The following MYT1L variants were observed in gnomAD, a reference collection of about 807,000 sequenced individuals.
The protein encoded by MYT1L is myelin transcription factor 1-like protein.
A neutral mutation model predicts 126.7 loss-of-function variants in MYT1L; 12 were observed. That is an observed-to-expected ratio of 0.09 (90% CI 0.06 to 0.15). The LOEUF (loss-of-function observed/expected upper bound fraction) is 0.15, where lower values mean the gene tolerates loss of function less well. Among genes scored for constraint, MYT1L ranks in the 10% least tolerant of loss-of-function variants. The pLI, the probability that MYT1L is intolerant of heterozygous loss-of-function variation, is 1.00. For missense variants in MYT1L, 979 were observed against 1,585.2 expected (o/e 0.62, Z 6.49); for synonymous variants, 541 against 604.2 (o/e 0.90, Z 1.53).
rs150614144 is a variant in MYT1L, at chr2:1,849,654, C to T, written c.2774+1987G>A. On this transcript the variant is annotated intron_variant, in intron 19 of 24. Coordinates refer to ENST00000647738, the MANE Select transcript of MYT1L (RefSeq NM_001303052.2). ...GGCCCCCACGGCAAACAGCCATCTG[C>T]CCCCACTTGCCAGCACTGCAGAGGC... 3.2e-3 allele frequency among the ~76,000 whole-genome samples: 492 copies of T among 152,356 alleles called. 1 individual carries two copies. The highest frequency in any genetic ancestry group is 1.0e-2 in the African/African-American group (415 of 41,586).
chr2:1,905,144 ATACT>A (rs2050878349), intron 13 of MYT1L, among the ~76,000 whole-genome samples: 1 of 152,090 alleles, frequency 6.6e-6, no homozygotes, highest in Non-Finnish European at 1.5e-5. Context: ...TTTCAAAAAA[ATACT>A]TACAGACCTT....
At chr2:2,011,581 A>T (rs913695044) in intron 4 of MYT1L, among the ~76,000 whole-genome samples, 68 of 152,244 alleles carry the variant, frequency 4.5e-4, no homozygotes, top group African/African-American at 1.6e-3. Flanking sequence ...CCACCACAAA[A>T]GTGAAAAAAA....
intron 8 of MYT1L, among the ~76,000 whole-genome samples, chr2:1,964,427 T>C (rs1465115749): frequency 6.6e-6 from 1 of 152,234 alleles, no homozygotes; most frequent in African/African-American, 2.4e-5. Flanking sequence ...TGGACTTGTA[T>C]GGTCAGGGTT....
intron 3 of MYT1L, among the ~76,000 whole-genome samples, chr2:2,108,284 T>G (rs997714705): frequency 1.3e-5 from 2 of 152,184 alleles, no homozygotes; most frequent in Non-Finnish European, 2.9e-5. Flanking sequence ...CTGCGTATGC[T>G]TTCATTCCTC....
chr2:2,176,945 G>A (rs1009447710), intron 2 of MYT1L, among the ~76,000 whole-genome samples: 1 of 152,212 alleles, frequency 6.6e-6, no homozygotes, highest in African/African-American at 2.4e-5. Context: ...CTATCCTCTA[G>A]TTTACTAGCT....
chr2:1,867,478 C>A (rs1037019767), intron 18 of MYT1L, among the ~76,000 whole-genome samples: 1 of 152,148 alleles, frequency 6.6e-6, no homozygotes, highest in Non-Finnish European at 1.5e-5. Context: ...CAACTTGAAT[C>A]CAAAGTCCTC....
chr2:1,940,079 G>C (rs2056464399), intron 9 of MYT1L, among the ~76,000 whole-genome samples: 1 of 152,256 alleles, frequency 6.6e-6, no homozygotes, highest in Non-Finnish European at 1.5e-5. Context: ...TGGGATCTGG[G>C]ATTCTCATGA....
At chr2:2,124,588 G>A (rs1479884596) in intron 3 of MYT1L, among the ~76,000 whole-genome samples, 1 of 152,194 alleles carries the variant, frequency 6.6e-6, no homozygotes, top group African/African-American at 2.4e-5. Context: ...GAGCCACCCT[G>A]CCTGGCCCAG....
chr2:2,099,325 C>G (rs1029067569), intron 3 of MYT1L, among the ~76,000 whole-genome samples: 13 of 151,036 alleles, frequency 8.6e-5, no homozygotes, highest in Non-Finnish European at 1.3e-4. Context: ...GTTTATGCTT[C>G]AATTTTTAAA....
chr2:2,008,464 T>C (rs2063531785), intron 4 of MYT1L, among the ~76,000 whole-genome samples: 1 of 152,260 alleles, frequency 6.6e-6, no homozygotes, highest in African/African-American at 2.4e-5. Context: ...CATTTGCCTG[T>C]TGGACATTTT....
At chr2:1,951,848 C>T (rs922134573) in intron 8 of MYT1L, among the ~76,000 whole-genome samples, 26 of 152,144 alleles carry the variant, frequency 1.7e-4, no homozygotes, top group African/African-American at 5.6e-4. Context: ...CACCACTAGC[C>T]CTTTAAAGCG....
intron 3 of MYT1L, among the ~76,000 whole-genome samples, chr2:2,130,584 G>T (rs776247910): frequency 7.2e-5 from 11 of 152,118 alleles, no homozygotes; most frequent in Non-Finnish European, 1.5e-4. Flanking sequence ...TGCACCATGG[G>T]ATACTCTGCT....
chr2:1,840,739 C>T (rs900666783), intron 20 of MYT1L, 21 bp downstream of exon 20: 2 of 1,533,764 alleles, frequency 1.3e-6, no homozygotes, highest in Admixed American at 3.9e-5. Context: ...CTATGGTTCT[C>T]AGCCCCACTG....
At chr2:1,961,498 C>T (rs1156635426) in intron 8 of MYT1L, among the ~76,000 whole-genome samples, 1 of 152,180 alleles carries the variant, frequency 6.6e-6, no homozygotes, top group Non-Finnish European at 1.5e-5. Context: ...GCAGTTCTTG[C>T]TCAGAACTGA....
intron 10 of MYT1L, among the ~76,000 whole-genome samples, chr2:1,919,728 T>C (rs2053321099): frequency 6.6e-6 from 1 of 151,426 alleles, no homozygotes; most frequent in Non-Finnish European, 1.5e-5. Flanking sequence ...TAATTTAATT[T>C]AATATTATTT....
intron 8 of MYT1L, among the ~76,000 whole-genome samples, chr2:1,969,557 C>G (rs956578613): frequency 3.9e-5 from 6 of 152,166 alleles, no homozygotes; most frequent in Non-Finnish European, 7.4e-5. Context: ...TCAGGGAACC[C>G]CACTTGGGGA....
intron 3 of MYT1L, among the ~76,000 whole-genome samples, chr2:2,074,095 G>A (rs1396565570): frequency 6.6e-6 from 1 of 152,152 alleles, no homozygotes; most frequent in Admixed American, 6.6e-5. Flanking sequence ...AATGTTAAGA[G>A]AAACATAAAT....
In MYT1L at chr2:1,922,926, A is replaced by G; in HGVS notation, c.843T>C (p.Asn281=). The G allele has an allele frequency of 6.2e-7, 1 of 1,613,996 alleles. No homozygotes were observed. The highest frequency in any genetic ancestry group is 1.1e-5 in the South Asian group (1 of 91,074). The change falls in exon 10 of 25, where the codon AAT becomes AAC. Residue 281 remains asparagine (N), a synonymous_variant. Coordinates refer to ENST00000647738, the MANE Select transcript of MYT1L (RefSeq NM_001303052.2). This position sits in a 1 kb window ranked among gnomAD's most constrained non-coding sequence, Gnocchi z 7.4. ...GHGVVLSENM[N]DRNYADSMSQ... is the part of the protein sequence containing the mutation. ...ACATGCTGTCTGCATAATTTCTGTC[A>G]TTCATGTTTTCTGAGAGCACAACAC... is the stretch of plus-strand genomic sequence containing the variant.
chr2:2,112,872 G>A (rs1202338161), intron 3 of MYT1L, among the ~76,000 whole-genome samples: 1 of 152,224 alleles, frequency 6.6e-6, no homozygotes, highest in Non-Finnish European at 1.5e-5. Context: ...GAGTCGCACA[G>A]TGGTGCTTGG....
Sources: gnomAD v4.1 joint callset for allele counts (sites outside exome capture counted in the v4.1 genomes callset) on GRCh38, gnomAD v4.1.1 for gene constraint, Gnocchi (gnomAD v3.1) non-coding constraint, MANE v1.5 for transcripts, NCBI Gene and HGNC (gene_info 2026-07-23, HGNC 2026-07-21) for gene names.